ZNF829: variants seen among roughly 807,000 people sequenced by gnomAD.
ZNF829 encodes the protein zinc finger protein 829.
In ZNF829, 25 loss-of-function variants were observed where a neutral mutation model predicts 35.2. The observed-to-expected ratio is 0.71, with a 90% CI of 0.52 to 0.99. The LOEUF (loss-of-function observed/expected upper bound fraction) is 0.99, where lower values mean the gene tolerates loss of function less well. Among genes scored for constraint, ZNF829 ranks in the 50% least tolerant of loss-of-function variants. The pLI is 0.00. For synonymous variants in ZNF829, 136 were observed against 163.2 expected (o/e 0.83, Z 1.27); for missense variants, 417 against 515.3 (o/e 0.81, Z 1.85).
chr19:36,894,086 A>G (rs969500892), intron 5 of ZNF829, among the ~76,000 whole-genome samples: 6 of 152,080 alleles, frequency 3.9e-5, no homozygotes, highest in Non-Finnish European at 7.4e-5. Flanking sequence ...CATACCCCTC[A>G]TCCTATCACC....
chr19:36,914,076 T>C (rs2073285290), intron 3 of ZNF829, among the ~76,000 whole-genome samples: 1 of 152,088 alleles, frequency 6.6e-6, no homozygotes, highest in Non-Finnish European at 1.5e-5. Flanking sequence ...TCATAACATA[T>C]ACAAAAACCA....
chr19:36,892,905 C>T (rs1405343962), intron 5 of ZNF829: 3 of 1,146,154 alleles, frequency 2.6e-6, no homozygotes, highest in Non-Finnish European at 3.3e-6. Context: ...ATCAGCATGC[C>T]CAGGCAGGGG....
chr19:36,900,145 A>AAAACACAC (rs1489365490), intron 5 of ZNF829, among the ~76,000 whole-genome samples: 31 of 120,498 alleles, frequency 2.6e-4, no homozygotes, highest in African/African-American at 9.6e-4. Flanking sequence ...GTCTCTACTA[A>AAAACACAC]ACACACACAC....
At chr19:36,892,870 C>T (rs1445411168) in intron 5 of ZNF829, 2 of 1,157,704 alleles carry the variant, frequency 1.7e-6, no homozygotes, top group Non-Finnish European at 2.2e-6. Flanking sequence ...CGTCGTACAG[C>T]TTGTGGAGCT....
Position 36,892,201 on chromosome 19 carries a change from G to A in ZNF829, c.590C>T (p.Ser197Leu). 2 of 1,614,162 alleles carry A rather than the reference G, an allele frequency of 1.2e-6. No individual in the cohort carries two copies. Among genetic ancestry groups the A allele is most frequent in the Non-Finnish European group, 1.7e-6 (2 of 1,180,026 alleles). The change falls in exon 6 of 6, where the codon TCA (serine) becomes TTA (leucine). Residue 197 changes from serine (S) to leucine (L), a missense_variant. Ser to Leu is a moderately radical substitution (Grantham distance 145). Transcript: ENST00000391711. The part of the protein sequence containing the change: ...KEYGKSFSRG[S>L]LVTRHQRIHT... ...AATCCTCTGATGTCGAGTAACGAGT[G>A]AGCCACGACTAAAGGACTTCCCATA...
chr19:36,902,909 G>GCA (rs2073183274), intron 5 of ZNF829, among the ~76,000 whole-genome samples: 1 of 152,076 alleles, frequency 6.6e-6, no homozygotes, highest in African/African-American at 2.4e-5. Flanking sequence ...GGTGGCGCAC[G>GCA]CCTGTAATCC....
chr19:36,915,299 A>G (rs1345738787), intron 1 of ZNF829, 48 bp from the exon 2 acceptor site: 1 of 1,555,222 alleles, frequency 6.4e-7, no homozygotes, highest in Admixed American at 2.0e-5. Flanking sequence ...ACAGGACCCC[A>G]TACTCATACA....
chr19:36,911,019 CAAAG>C (rs952776560), intron 3 of ZNF829, among the ~76,000 whole-genome samples: 9 of 151,998 alleles, frequency 5.9e-5, no homozygotes, highest in Admixed American at 3.9e-4. Flanking sequence ...AACCAACAAA[CAAAG>C]AAACCAACAA....
rs1158970593 is a variant in ZNF829, at chr19:36,907,087, C to CAAAAAAAAAAAAA, written c.319+829_319+841dup. 23 of 23,724 alleles carry CAAAAAAAAAAAAA rather than the reference C, an allele frequency of 9.7e-4. 2 individuals carry two copies. The highest frequency in any genetic ancestry group is 3.8e-3 in the African/African-American group (22 of 5,844). 1.5% of individuals were successfully genotyped at this position (23,724 alleles called of 1,614,324 possible). ...TGGGCAACAGAGCAAGACTCCATCT[C>CAAAAAAAAAAAAA]AAAAAAAAAAAAAAAAAAAAAAAAT... is the stretch of plus-strand genomic sequence containing the variant. On this transcript the variant is annotated intron_variant, in intron 5 of 5. Transcript: ENST00000391711.
chr19:36,893,725 C>T (rs1021260298), intron 5 of ZNF829, among the ~76,000 whole-genome samples: 2 of 152,122 alleles, frequency 1.3e-5, no homozygotes, highest in African/African-American at 4.8e-5. Flanking sequence ...CAATCATTGG[C>T]CAAACTTAGT....
chr19:36,909,233 T>C (rs1460957474), intron 3 of ZNF829, among the ~76,000 whole-genome samples: 1 of 152,066 alleles, frequency 6.6e-6, no homozygotes, highest in African/African-American at 2.4e-5. Context: ...GTGAGGACTA[T>C]AGGAAAGACA....
intron 5 of ZNF829, chr19:36,902,158 C>CAA (rs375739401): frequency 3.6e-5 from 6 of 166,488 alleles, no homozygotes; most frequent in South Asian, 2.5e-4. Context: ...TATAAAATTG[C>CAA]AAAAAAAAAA....
rs1404113893 is a variant in ZNF829 at position 36,890,265 on chromosome 19, T to A, written c.*1227A>T. 3 of 152,256 alleles carry A rather than the reference T, an allele frequency of 2.0e-5. No homozygotes were observed. The highest frequency in any genetic ancestry group is 4.8e-5 in the African/African-American group (2 of 41,450). The allele number at this position is 152,256 out of a possible 1,614,324, so 9.4% of individuals were successfully genotyped here. A position where few individuals can be genotyped will look rare whatever the true frequency, so the allele number is the denominator to read the frequency against. On this transcript the variant is annotated 3_prime_UTR_variant, in exon 6 of 6. Transcript: ENST00000391711. ...GTTGTTGGGTAGAATGTTCTTCAGA[T>A]GTCTGTTGGGTCCATTTGGTGTAGA... is the stretch of plus-strand genomic sequence containing the variant.
At chr19:36,902,928 T>C (rs1252741509) in intron 5 of ZNF829, among the ~76,000 whole-genome samples, 1 of 151,710 alleles carries the variant, frequency 6.6e-6, no homozygotes, top group African/African-American at 2.4e-5. Context: ...CCCAGCTACT[T>C]GGGAAGCTGA....
At chr19:36,915,812 G>C (rs926468700) in intron 1 of ZNF829, 199 bp downstream of exon 1, 25 of 1,509,112 alleles carry the variant, frequency 1.7e-5, no homozygotes, top group Non-Finnish European at 2.0e-5. Flanking sequence ...GGCCAGGATG[G>C]TCTCGATCTC....
rs975960406 is a variant in ZNF829, at chr19:36,891,027, C to G, written c.*465G>C. 1 of 154,048 alleles carries G rather than the reference C, an allele frequency of 6.5e-6. No individual in the cohort carries two copies. Among genetic ancestry groups the G allele is most frequent in the Non-Finnish European group, 1.4e-5 (1 of 69,548 alleles). The allele number at this position is 154,048 out of a possible 1,614,324, so 9.5% of individuals were successfully genotyped here. On this transcript the variant is annotated 3_prime_UTR_variant, in exon 6 of 6. Transcript: ENST00000391711. ...CGGTAAATGTGACCTTACTTGGAAA[C>G]AGGGTCTTGGCAGATATAATCAAGT...
chr19:36,915,950 G>A (rs771486224), intron 1 of ZNF829, 61 bp downstream of exon 1: 1 of 1,534,328 alleles, frequency 6.5e-7, no homozygotes, highest in Non-Finnish European at 8.7e-7. Context: ...GCCCTTTCCA[G>A]TCATCCCGGA....
Position 36,891,379 on chromosome 19 carries a change from TA to T in ZNF829, c.*112del. On this transcript the variant is annotated 3_prime_UTR_variant, in exon 6 of 6. Coordinates refer to ENST00000391711, the MANE Select transcript of ZNF829 (RefSeq NM_001037232.4). The stretch of plus-strand genomic sequence containing the variant: ...CTTGGTACTTTGTTATCGTATCGTT[TA>T]AAAACGAATACATAGGAGAACCTTT... 8.7e-7 allele frequency: 1 copy of T among 1,151,878 alleles called. No individual in the cohort carries two copies. Among genetic ancestry groups the T allele is most frequent in the Non-Finnish European group, 1.2e-6 (1 of 851,690 alleles). 71.4% of individuals were successfully genotyped at this position (1,151,878 alleles called of 1,614,324 possible). A position where few individuals can be genotyped will look rare whatever the true frequency, so the allele number is the denominator to read the frequency against.
chr19:36,888,209 T>C lies in ZNF829; in HGVS notation c.*3283A>G, dbSNP rs1375409526. 1.3e-5 allele frequency: 2 copies of C among 151,272 alleles called. No individual in the cohort carries two copies. Among genetic ancestry groups the C allele is most frequent in the East Asian group, 1.9e-4 (1 of 5,134 alleles). The allele number at this position is 151,272 out of a possible 1,614,324, so 9.4% of individuals were successfully genotyped here. On this transcript the variant is annotated 3_prime_UTR_variant, in exon 6 of 6. Coordinates refer to ENST00000391711, the MANE Select transcript of ZNF829 (RefSeq NM_001037232.4). ...TGATCAGTTTCTCATAACATAGAAA[T>C]AGAAATGAAATTATAAATTGTGCTG... is the stretch of plus-strand genomic sequence containing the variant.
Sources: allele counts gnomAD v4.1 joint callset (sites outside exome capture counted in the v4.1 genomes callset), GRCh38; gene constraint gnomAD v4.1.1; transcripts MANE v1.5; gene names NCBI Gene and HGNC (gene_info 2026-07-23, HGNC 2026-07-21).